VPS13D: variants seen among roughly 807,000 people sequenced by gnomAD.
VPS13D encodes the protein intermembrane lipid transfer protein VPS13D.
In VPS13D, 187 loss-of-function variants were observed where a neutral mutation model predicts 461.9. The ratio of observed to expected loss-of-function variants is 0.40; its 90% CI spans 0.36 to 0.46. VPS13D has a LOEUF of 0.46. VPS13D is among the 20% of genes least tolerant of loss of function. The pLI, the probability that VPS13D is intolerant of heterozygous loss-of-function variation, is 0.60. For missense variants in VPS13D, 4,711 were observed against 5,364.9 expected (o/e 0.88, Z 3.81); for synonymous variants, 1,951 against 1,986.3 (o/e 0.98, Z 0.47).
intron 65 of VPS13D, among the ~76,000 whole-genome samples, chr1:12,449,665 T>G (rs1456362814): frequency 6.6e-6 from 1 of 152,170 alleles, no homozygotes; most frequent in Non-Finnish European, 1.5e-5. Flanking sequence ...TTGAAGTGAC[T>G]TAGGTCTTAC....
At chr1:12,488,669 CAAAAAAAAA>C (rs79424685) in intron 67 of VPS13D, among the ~76,000 whole-genome samples, 20 of 82,804 alleles carry the variant, frequency 2.4e-4, no homozygotes, top group Non-Finnish European at 3.8e-4. Context: ...TCATTTGAAC[CAAAAAAAAA>C]AAAAAAAAAA....
chr1:12,309,713 G>A lies in VPS13D; in HGVS notation c.6650+1072G>A, dbSNP rs986526704. Among the ~76,000 whole-genome samples the A allele has an allele frequency of 3.4e-5, 5 of 146,586 alleles. 1 individual carries two copies. In the Admixed American group the frequency reaches 3.4e-4, roughly 10 times the overall value. On this transcript the variant is annotated intron_variant, in intron 27 of 69. Transcript: ENST00000620676. ...GGAGGTGGAGGTTGCAGTGAGCCTA[G>A]ATTGAGCCGCTGCACTTCAGCCTGG...
intron 65 of VPS13D, among the ~76,000 whole-genome samples, chr1:12,445,843 C>T (rs992261028): frequency 1.3e-5 from 2 of 152,146 alleles, no homozygotes; most frequent in African/African-American, 4.8e-5. Flanking sequence ...CCCATTCTAC[C>T]TCCTCTGCAA....
At chr1:12,492,933 A>C (rs1645902489) in intron 67 of VPS13D, among the ~76,000 whole-genome samples, 2 of 152,228 alleles carry the variant, frequency 1.3e-5, no homozygotes, top group Admixed American at 1.3e-4. Flanking sequence ...ATCCTTTGAA[A>C]TGTGGTAAGG....
chr1:12,298,214 C>T (rs767503756), intron 24 of VPS13D, among the ~76,000 whole-genome samples: 2 of 152,128 alleles, frequency 1.3e-5, no homozygotes, highest in African/African-American at 4.8e-5. Context: ...GAGACTTTAA[C>T]GACTTAACCA....
chr1:12,480,652 T>C (rs1645702556), intron 67 of VPS13D, among the ~76,000 whole-genome samples: 1 of 152,180 alleles, frequency 6.6e-6, no homozygotes, highest in African/African-American at 2.4e-5. Context: ...TATTTAAGGT[T>C]AAATTGTATA....
intron 64 of VPS13D, among the ~76,000 whole-genome samples, chr1:12,416,452 A>G (rs952156369): frequency 2.6e-5 from 4 of 152,212 alleles, no homozygotes; most frequent in African/African-American, 9.6e-5. Flanking sequence ...GTATTGGGAT[A>G]TGTGTATTGG....
chr1:12,242,894 C>T (rs1034873737), intron 3 of VPS13D, among the ~76,000 whole-genome samples: 8 of 152,116 alleles, frequency 5.3e-5, no homozygotes, highest in East Asian at 1.9e-4. Flanking sequence ...AGTGTGAGAA[C>T]CTCTGTTCTA....
chr1:12,360,918 T>C (rs1643937274), intron 50 of VPS13D, among the ~76,000 whole-genome samples: 1 of 152,196 alleles, frequency 6.6e-6, no homozygotes, highest in Non-Finnish European at 1.5e-5. Context: ...ATTTTAATGG[T>C]TCTCTTGATA....
At chr1:12,379,454 G>C in intron 56 of VPS13D, 34 bp from the exon 57 acceptor site, 1 of 1,589,548 alleles carries the variant, frequency 6.3e-7, no homozygotes. Flanking sequence ...TTGACTCGGA[G>C]GTTTCATGGT....
intron 9 of VPS13D, 118 bp from the exon 10 acceptor site, chr1:12,257,817 G>T: frequency 8.1e-7 from 1 of 1,230,426 alleles, no homozygotes; most frequent in Non-Finnish European, 1.1e-6. Context: ...TAAACTGGTG[G>T]CTGACAAGAG....
intron 67 of VPS13D, among the ~76,000 whole-genome samples, chr1:12,483,155 C>G (rs190832473): frequency 1.3e-5 from 2 of 152,328 alleles, no homozygotes; most frequent in Admixed American, 6.5e-5. Context: ...TACTCCCACC[C>G]ACAGTGTGTG....
intron 67 of VPS13D, among the ~76,000 whole-genome samples, chr1:12,480,183 C>T (rs1182337438): frequency 1.3e-5 from 2 of 152,206 alleles, no homozygotes; most frequent in Non-Finnish European, 2.9e-5. Flanking sequence ...CAGTTTGTCA[C>T]AGAATAGCAG....
intron 7 of VPS13D, 121 bp from the exon 8 acceptor site, chr1:12,256,212 G>A (rs1640915782): frequency 1.2e-5 from 13 of 1,105,936 alleles, no homozygotes; most frequent in Non-Finnish European, 1.7e-5. Context: ...AAAAATATTT[G>A]CCGCTGTGAC....
At chr1:12,402,917 G>T (rs1644598945) in intron 62 of VPS13D, among the ~76,000 whole-genome samples, 1 of 152,188 alleles carries the variant, frequency 6.6e-6, no homozygotes, top group Admixed American at 6.5e-5. Context: ...AGTGCTGATG[G>T]GATGGGACAG....
intron 32 of VPS13D, among the ~76,000 whole-genome samples, 169 bp downstream of exon 32, chr1:12,319,799 A>C (rs1322919078): frequency 6.6e-6 from 1 of 152,194 alleles, no homozygotes; most frequent in Non-Finnish European, 1.5e-5. Context: ...TGGCTATTCT[A>C]ATGCATGGAT....
At chr1:12,250,881 G>A (rs906125362) in intron 6 of VPS13D, among the ~76,000 whole-genome samples, 5 of 152,140 alleles carry the variant, frequency 3.3e-5, no homozygotes, top group Non-Finnish European at 7.3e-5. Context: ...CCACGGTGGA[G>A]TAGTGTAGTT....
Position 12,234,245 on chromosome 1 carries a change from A to C in VPS13D, c.-22A>C, listed in dbSNP as rs1294985593. ...AAAGAATGATCCATGATTTCTAAAC[A>C]CCTTTTCCTGAGGATATAGTCATGT... On this transcript the variant is annotated 5_prime_UTR_variant, in exon 2 of 70. Transcript: ENST00000620676. 1 of 1,534,852 alleles carries C rather than the reference A, an allele frequency of 6.5e-7. No homozygotes were observed. The highest frequency in any genetic ancestry group is 1.4e-5 in the African/African-American group (1 of 72,828).
At chr1:12,231,105 G>A (rs975960719) in intron 1 of VPS13D, among the ~76,000 whole-genome samples, 3 of 152,232 alleles carry the variant, frequency 2.0e-5, no homozygotes, top group African/African-American at 7.2e-5. Context: ...CAGGGGAGGG[G>A]CCTGGCTCAA....
Sources: gnomAD v4.1 joint callset for allele counts (sites outside exome capture counted in the v4.1 genomes callset) on GRCh38, gnomAD v4.1.1 for gene constraint, MANE v1.5 for transcripts, NCBI Gene and HGNC (gene_info 2026-07-23, HGNC 2026-07-21) for gene names.